CCDC92B: variants seen among roughly 807,000 people sequenced by gnomAD.
The protein encoded by CCDC92B is coiled-coil domain containing 92B.
Under a neutral mutation model 5.6 loss-of-function variants are expected in CCDC92B, and 2 were observed. That is an observed-to-expected ratio of 0.36 (90% CI 0.15 to 1.12). CCDC92B has a LOEUF of 1.12. Among genes scored for constraint, CCDC92B ranks in the 50% most tolerant of loss-of-function variants. The pLI, the probability that CCDC92B is intolerant of heterozygous loss-of-function variation, is 0.40. For missense variants in CCDC92B, 271 were observed against 262.2 expected (o/e 1.03, Z -0.23); for synonymous variants, 115 against 122.3 (o/e 0.94, Z 0.39).
intron 1 of CCDC92B, among the ~76,000 whole-genome samples, chr17:2,739,162 T>C (rs1019447036): frequency 6.6e-6 from 1 of 150,952 alleles, no homozygotes; most frequent in African/African-American, 2.5e-5. Flanking sequence ...GGTCAGGAGA[T>C]CGAGACCATC....
At chr17:2,739,953 G>T (rs1040838760) in intron 1 of CCDC92B, among the ~76,000 whole-genome samples, 1 of 152,048 alleles carries the variant, frequency 6.6e-6, no homozygotes, top group Non-Finnish European at 1.5e-5. Flanking sequence ...ATCTCACGGG[G>T]TGAAGAGAAG....
chr17:2,744,035 G>A (rs991417514), intron 1 of CCDC92B, among the ~76,000 whole-genome samples: 1 of 151,994 alleles, frequency 6.6e-6, no homozygotes, highest in African/African-American at 2.4e-5. Flanking sequence ...GCACCACCAT[G>A]CCCAGCTAAT....
intron 1 of CCDC92B, among the ~76,000 whole-genome samples, chr17:2,739,211 C>G (rs1466996691): frequency 1.4e-5 from 2 of 146,780 alleles, no homozygotes; most frequent in Admixed American, 1.4e-4. Flanking sequence ...ACTAAAAATA[C>G]AAAAAATTAG....
intron 3 of CCDC92B, among the ~76,000 whole-genome samples, chr17:2,729,849 A>G (rs2070774265): frequency 6.6e-6 from 1 of 152,184 alleles, no homozygotes; most frequent in Non-Finnish European, 1.5e-5. Context: ...TACAATGGCA[A>G]GAAGTCATGC....
intron 2 of CCDC92B, among the ~76,000 whole-genome samples, chr17:2,734,446 G>C (rs1379978609): frequency 6.6e-6 from 1 of 151,818 alleles, no homozygotes; most frequent in African/African-American, 2.4e-5. Context: ...GAAAGGATGG[G>C]AACCTCCAGG....
At chr17:2,730,562 T>TGAGA (rs35055583) in intron 2 of CCDC92B, 69 bp from the exon 3 acceptor site, 138 of 265,640 alleles carry the variant, frequency 5.2e-4, no homozygotes, top group Non-Finnish European at 7.2e-4. Flanking sequence ...TGTGTGTGTG[T>TGAGA]GAGAGAGAGA....
intron 1 of CCDC92B, among the ~76,000 whole-genome samples, chr17:2,736,317 C>T (rs2151742147): frequency 6.6e-6 from 1 of 152,202 alleles, no homozygotes; most frequent in South Asian, 2.1e-4. Context: ...ATCCCAGCTA[C>T]TCAGAAGGCT....
chr17:2,726,555 C>T (rs1321317465), intron 3 of CCDC92B, among the ~76,000 whole-genome samples: 1 of 151,074 alleles, frequency 6.6e-6, no homozygotes, highest in East Asian at 2.0e-4. Context: ...GACCTCAGGT[C>T]ATCCTCCCGC....
chr17:2,734,526 G>A (rs2070836382), intron 2 of CCDC92B, among the ~76,000 whole-genome samples: 1 of 149,182 alleles, frequency 6.7e-6, no homozygotes, highest in African/African-American at 2.5e-5. Context: ...GTCTTGCTCT[G>A]TCATCTAGGC....
intron 1 of CCDC92B, among the ~76,000 whole-genome samples, chr17:2,737,736 A>G (rs1393893153): frequency 6.6e-6 from 1 of 151,928 alleles, no homozygotes; most frequent in Admixed American, 6.6e-5. Flanking sequence ...TCGGCCTCCC[A>G]AAGTGCTGGT....
At chr17:2,736,091 A>T (rs1343925782) in intron 1 of CCDC92B, among the ~76,000 whole-genome samples, 2 of 152,164 alleles carry the variant, frequency 1.3e-5, no homozygotes, top group African/African-American at 4.8e-5. Flanking sequence ...ATGTTTCACT[A>T]ACACTGACTC....
At position 2,749,606 on chromosome 17, in the gene CCDC92B, T is replaced by C. The variant is rs1422927899; in HGVS notation, c.-219A>G. On this transcript the variant is annotated 5_prime_UTR_variant, in exon 1 of 4. Coordinates refer to ENST00000614400, the MANE Select transcript of CCDC92B (RefSeq NM_001355573.2). ...GGGGCTCGGGGGCGCCGAAGGGGGG[T>C]CGGGGGCGGGCTCGAGGCGTAAACA... 8.6e-6 allele frequency: 1 copy of C among 115,838 alleles called. No homozygotes were observed. Among genetic ancestry groups the C allele is most frequent in the East Asian group, 2.5e-4 (1 of 3,988 alleles). The allele number at this position is 115,838 out of a possible 1,614,324, so 7.2% of individuals were successfully genotyped here. A position where few individuals can be genotyped will look rare whatever the true frequency, so the allele number is the denominator to read the frequency against.
At chr17:2,730,236 G>A (rs1390833656) in intron 3 of CCDC92B, among the ~76,000 whole-genome samples, 1 of 152,104 alleles carries the variant, frequency 6.6e-6, no homozygotes, top group African/African-American at 2.4e-5. Context: ...ACCCAACTGA[G>A]GTGGTGCAGG....
chr17:2,744,738 G>A (rs1294124448), intron 1 of CCDC92B, among the ~76,000 whole-genome samples: 1 of 152,120 alleles, frequency 6.6e-6, no homozygotes, highest in Non-Finnish European at 1.5e-5. Context: ...CCTCAAACAA[G>A]GAGAAATAGA....
At chr17:2,728,424 G>A (rs912527595) in intron 3 of CCDC92B, among the ~76,000 whole-genome samples, 5 of 151,980 alleles carry the variant, frequency 3.3e-5, no homozygotes, top group Admixed American at 6.6e-5. Context: ...TGGCTAACAC[G>A]GTGAAACCCG....
At chr17:2,735,928 GTC>G (rs1484873343) in intron 1 of CCDC92B, among the ~76,000 whole-genome samples, 1 of 152,162 alleles carries the variant, frequency 6.6e-6, no homozygotes, top group Non-Finnish European at 1.5e-5. Context: ...GAGCCCTAGA[GTC>G]TCTTCCAGTT....
intron 1 of CCDC92B, among the ~76,000 whole-genome samples, chr17:2,741,241 T>C: frequency 6.6e-6 from 1 of 152,128 alleles, no homozygotes. Flanking sequence ...TGTCTCAAAC[T>C]TTCTGCTAAG....
chr17:2,731,592 C>T (rs914658975), intron 2 of CCDC92B, among the ~76,000 whole-genome samples: 3 of 152,204 alleles, frequency 2.0e-5, no homozygotes, highest in South Asian at 2.1e-4. Flanking sequence ...CTGCCCTCAC[C>T]GGCTCTTCCA....
Position 2,724,473 on chromosome 17 carries a change from G to C in CCDC92B, c.706C>G (p.Pro236Ala). 1 of 980,774 alleles carries C rather than the reference G, an allele frequency of 1.0e-6. No individual in the cohort carries two copies. Among genetic ancestry groups the C allele is most frequent in the Non-Finnish European group, 1.2e-6 (1 of 826,694 alleles). The allele number at this position is 980,774 out of a possible 1,614,324, so 60.8% of individuals were successfully genotyped here. The part of the protein sequence containing the change: ...SPRQPPPQEP[P>A]DRAGPQPAPS... ...GCGGGCTGCGGGCCGGCTCGGTCCG[G>C]GGGCTCCTGGGGAGGCGGCTGGCGC... The change falls in exon 4 of 4, where the codon CCG becomes GCG. Residue 236 changes from proline to alanine, a missense_variant. Transcript: ENST00000614400. This position sits in a 1 kb window ranked among gnomAD's most constrained non-coding sequence, Gnocchi z 5.0.
Sources: allele counts gnomAD v4.1 joint callset (sites outside exome capture counted in the v4.1 genomes callset), GRCh38; gene constraint gnomAD v4.1.1; non-coding constraint Gnocchi (gnomAD v3.1); transcripts MANE v1.5; gene names NCBI Gene and HGNC (gene_info 2026-07-23, HGNC 2026-07-21).